Variants in RPS6KC1 observed in about 807,000 individuals in gnomAD.
RPS6KC1 encodes the protein ribosomal protein S6 kinase C1, also known as inactive ribosomal protein S6 kinase delta-1.
In RPS6KC1, 54 loss-of-function variants were observed where a neutral mutation model predicts 103.8. The ratio of observed to expected loss-of-function variants is 0.52; its 90% CI spans 0.42 to 0.65. RPS6KC1 has a LOEUF of 0.65. Among genes scored for constraint, RPS6KC1 ranks in the 30% least tolerant of loss-of-function variants. RPS6KC1 has a pLI of 0.00. For missense variants in RPS6KC1, 1,151 were observed against 1,253.8 expected (o/e 0.92, Z 1.24); for synonymous variants, 439 against 438.7 (o/e 1.00, Z -0.01).
the RPS6KC1 span, among the ~76,000 whole-genome samples, chr1:213,513,491 G>A: frequency 6.6e-6 from 1 of 152,098 alleles, no homozygotes; most frequent in African/African-American, 2.4e-5. Flanking sequence ...TTCTCTTAAG[G>A]GTTTAGGGTG....
chr1:213,478,394 T>G, the RPS6KC1 span, among the ~76,000 whole-genome samples: 1 of 152,132 alleles, frequency 6.6e-6, no homozygotes, highest in Non-Finnish European at 1.5e-5. Context: ...ACTTGCCAGA[T>G]TTTATGATAA....
chr1:213,467,939 C>T, the RPS6KC1 span, among the ~76,000 whole-genome samples: 1 of 152,294 alleles, frequency 6.6e-6, no homozygotes, highest in African/African-American at 2.4e-5. Context: ...CTTTCCATTT[C>T]ATTATACACC....
the RPS6KC1 span, among the ~76,000 whole-genome samples, chr1:213,631,789 T>A: frequency 1.5e-5 from 2 of 131,434 alleles, no homozygotes; most frequent in Non-Finnish European, 3.6e-5. Context: ...TATAACATTA[T>A]TTTTAAAAAT....
At chr1:213,596,277 T>C in the RPS6KC1 span, among the ~76,000 whole-genome samples, 5 of 152,246 alleles carry the variant, frequency 3.3e-5, no homozygotes, top group Non-Finnish European at 7.3e-5. Flanking sequence ...GGCTATGCCA[T>C]GAGCTGATAG....
the RPS6KC1 span, among the ~76,000 whole-genome samples, chr1:213,460,095 A>G: frequency 3.3e-5 from 5 of 152,324 alleles, no homozygotes; most frequent in East Asian, 9.6e-4. Context: ...GATGTCTATT[A>G]GGTGTGCTTG....
At chr1:213,197,915 C>G (rs2093013481) in intron 8 of RPS6KC1, among the ~76,000 whole-genome samples, 1 of 152,060 alleles carries the variant, frequency 6.6e-6, no homozygotes, top group African/African-American at 2.4e-5. Flanking sequence ...CATTCTGTAT[C>G]TTTCACATGG....
At chr1:213,765,615 T>C in the RPS6KC1 span, among the ~76,000 whole-genome samples, 9 of 152,164 alleles carry the variant, frequency 5.9e-5, no homozygotes, top group East Asian at 1.7e-3. Flanking sequence ...ACCGCAAAAC[T>C]TCCCCCAACT....
the RPS6KC1 span, among the ~76,000 whole-genome samples, chr1:213,402,958 C>CAAAAA: frequency 5.2e-4 from 58 of 111,486 alleles, no homozygotes; most frequent in South Asian, 1.3e-3. Context: ...ACTAAAAATA[C>CAAAAA]AAAAAAAAAA....
At chr1:213,355,232 A>G in the RPS6KC1 span, among the ~76,000 whole-genome samples, 5 of 151,782 alleles carry the variant, frequency 3.3e-5, no homozygotes, top group Admixed American at 1.3e-4. Flanking sequence ...GGAAAAAAAA[A>G]AGAGAGAGAG....
the RPS6KC1 span, among the ~76,000 whole-genome samples, chr1:213,363,678 CTT>C: frequency 6.5e-4 from 68 of 104,574 alleles, 8 homozygotes; most frequent in South Asian, 7.4e-3. Context: ...TTCTTTCTTT[CTT>C]TCTTTCTTTC....
At chr1:213,090,790 T>G (rs2080890902) in intron 3 of RPS6KC1, among the ~76,000 whole-genome samples, 1 of 152,196 alleles carries the variant, frequency 6.6e-6, no homozygotes, top group Non-Finnish European at 1.5e-5. Context: ...ACTAGAAATT[T>G]TAGAAATTGT....
the RPS6KC1 span, among the ~76,000 whole-genome samples, chr1:213,513,417 T>C: frequency 5.9e-3 from 899 of 152,148 alleles, 14 homozygotes; most frequent in African/African-American, 0.02. Flanking sequence ...AAAATTAATA[T>C]AGTACCCAAG....
At chr1:213,487,388 C>T in the RPS6KC1 span, among the ~76,000 whole-genome samples, 1 of 151,966 alleles carries the variant, frequency 6.6e-6, no homozygotes, top group Non-Finnish European at 1.5e-5. Flanking sequence ...AAAGTGAGAC[C>T]CTGTCTCAAT....
the RPS6KC1 span, among the ~76,000 whole-genome samples, chr1:213,585,178 A>G: frequency 1.3e-5 from 2 of 152,214 alleles, no homozygotes; most frequent in African/African-American, 2.4e-5. Context: ...GAGCCTACCC[A>G]GAGCCTGGCA....
chr1:213,707,163 C>A, the RPS6KC1 span, among the ~76,000 whole-genome samples: 2 of 152,164 alleles, frequency 1.3e-5, no homozygotes, highest in African/African-American at 4.8e-5. Context: ...ACACTACCAC[C>A]AACAGTGTAA....
the RPS6KC1 span, among the ~76,000 whole-genome samples, chr1:213,526,786 T>C: frequency 6.6e-6 from 1 of 152,214 alleles, no homozygotes; most frequent in African/African-American, 2.4e-5. Flanking sequence ...ATTTAGGAAA[T>C]TGAGGCAAAA....
chr1:213,551,753 G>A, the RPS6KC1 span, among the ~76,000 whole-genome samples: 20 of 152,132 alleles, frequency 1.3e-4, no homozygotes, highest in Non-Finnish European at 1.5e-5. Flanking sequence ...CTTTCTTGGT[G>A]TTGCACATTT....
chr1:213,334,204 A>G, the RPS6KC1 span, among the ~76,000 whole-genome samples: 2 of 152,214 alleles, frequency 1.3e-5, no homozygotes, highest in Admixed American at 6.5e-5. Flanking sequence ...CATAAAGTAC[A>G]GTCTATCATC....
chr1:213,214,187 G>A lies in RPS6KC1; in HGVS notation c.1045-16310G>A, dbSNP rs148565037. Reference sequence around the variant, plus strand: ...TGGGTCATTCCCACCCTAATACTGCGCTTTTCCAACGGTCTTAGCAAACGG... The same window carrying A: ...TGGGTCATTCCCACCCTAATACTGCACTTTTCCAACGGTCTTAGCAAACGG... On this transcript the variant is annotated intron_variant, in intron 8 of 14. Coordinates refer to ENST00000366960, the MANE Select transcript of RPS6KC1 (RefSeq NM_012424.6). Among the ~76,000 whole-genome samples the A allele has an allele frequency of 8.6e-3, 1,316 of 152,342 alleles. 21 individuals are homozygous for A. Among genetic ancestry groups the A allele is most frequent in the African/African-American group, 0.028 (1,158 of 41,576 alleles).
Sources: allele counts gnomAD v4.1 joint callset (sites outside exome capture counted in the v4.1 genomes callset), GRCh38; gene constraint gnomAD v4.1.1; transcripts MANE v1.5; gene names NCBI Gene and HGNC (gene_info 2026-07-23, HGNC 2026-07-21).